PACRG: variants seen among roughly 807,000 people sequenced by gnomAD.
PACRG encodes the protein parkin coregulated.
PACRG carries 29 observed loss-of-function variants against 29.7 expected under a neutral mutation model. The observed-to-expected ratio is 0.98, with a 90% CI of 0.73 to 1.33. PACRG has a LOEUF of 1.33. Ranked by LOEUF, PACRG falls within the 40% of genes most tolerant of loss-of-function variation. PACRG has a pLI of 0.00. For synonymous variants in PACRG, 116 were observed against 118.7 expected (o/e 0.98, Z 0.15); for missense variants, 279 against 316.2 (o/e 0.88, Z 0.89).
intron 1 of PACRG, among the ~76,000 whole-genome samples, chr6:162,731,574 T>C (rs959758744): frequency 1.3e-5 from 2 of 151,946 alleles, no homozygotes; most frequent in Non-Finnish European, 2.9e-5. Context: ...TCTGAAGATT[T>C]TGGTATCTGC....
intron 4 of PACRG, among the ~76,000 whole-genome samples, chr6:163,208,006 A>C (rs1036220035): frequency 6.6e-6 from 1 of 152,200 alleles, no homozygotes; most frequent in Non-Finnish European, 1.5e-5. Flanking sequence ...GAGCATATGG[A>C]AGTGGCCTGT....
intron 4 of PACRG, among the ~76,000 whole-genome samples, chr6:163,300,386 A>C (rs1784943566): frequency 6.6e-6 from 1 of 152,220 alleles, no homozygotes; most frequent in African/African-American, 2.4e-5. Context: ...TTGGGCTCAG[A>C]GGCCAACGTA....
intron 4 of PACRG, among the ~76,000 whole-genome samples, chr6:163,155,773 A>G (rs768734939): frequency 6.6e-6 from 1 of 152,018 alleles, no homozygotes; most frequent in Non-Finnish European, 1.5e-5. Flanking sequence ...TCCTGTCCCA[A>G]CCCCACTCCG....
chr6:162,957,150 G>C (rs1185097963), intron 2 of PACRG: 2 of 213,274 alleles, frequency 9.4e-6, no homozygotes, highest in African/African-American at 4.6e-5. Context: ...AAATGAATTT[G>C]GGCTTAGCCT....
At chr6:163,215,257 T>C (rs1465614822) in intron 4 of PACRG, among the ~76,000 whole-genome samples, 2 of 152,228 alleles carry the variant, frequency 1.3e-5, no homozygotes, top group Non-Finnish European at 2.9e-5. Context: ...TTAAAAGAAT[T>C]TTGGAGGATT....
At chr6:162,985,135 A>G (rs1330218021) in intron 2 of PACRG, among the ~76,000 whole-genome samples, 2 of 152,106 alleles carry the variant, frequency 1.3e-5, no homozygotes, top group Non-Finnish European at 2.9e-5. Context: ...TACAAAGAAG[A>G]ATTGGTACCA....
chr6:163,312,524 CCACCGGG>C (rs144601101), intron 4 of PACRG, among the ~76,000 whole-genome samples: 33,567 of 151,878 alleles, frequency 0.22, 4,229 homozygotes, highest in East Asian at 0.52. Flanking sequence ...ACAAGCGGAG[CCACCGGG>C]CTTCATCTCC....
intron 2 of PACRG, among the ~76,000 whole-genome samples, chr6:162,909,837 G>A (rs1449295794): frequency 1.3e-5 from 2 of 152,196 alleles, no homozygotes; most frequent in Non-Finnish European, 2.9e-5. Context: ...GGCACATGAT[G>A]GGGATTGAAT....
intron 2 of PACRG, among the ~76,000 whole-genome samples, chr6:162,910,000 T>C (rs1381441801): frequency 6.6e-6 from 1 of 152,226 alleles, no homozygotes; most frequent in Non-Finnish European, 1.5e-5. Flanking sequence ...CAGTGTAAGC[T>C]TTAGAGCTAG....
intron 2 of PACRG, among the ~76,000 whole-genome samples, chr6:162,995,511 C>A (rs1269553621): frequency 2.0e-5 from 3 of 152,168 alleles, no homozygotes; most frequent in Non-Finnish European, 4.4e-5. Context: ...TTTCCAGGTG[C>A]GTCCGTCACC....
chr6:162,744,386 C>A (rs140044630), intron 1 of PACRG, among the ~76,000 whole-genome samples: 271 of 152,078 alleles, frequency 1.8e-3, no homozygotes, highest in African/African-American at 6.3e-3. Flanking sequence ...TTGCTTGAGG[C>A]TACAGTTCAA....
In PACRG at chr6:163,016,001, T is replaced by C. The variant is rs1026753590; in HGVS notation, c.292-46149T>C. Among the ~76,000 whole-genome samples, 7 of 152,318 alleles carry C rather than the reference T, an allele frequency of 4.6e-5. No individual in the cohort carries two copies. The South Asian group carries it at 1.5e-3, about 32-fold the overall frequency. On this transcript the variant is annotated intron_variant, in intron 2 of 4. Coordinates refer to ENST00000366888, the MANE Select transcript of PACRG (RefSeq NM_001080379.2). ...TGACCTGTGTAATACCTTGTGTTTA[T>C]TTTCTTTTTCTCTGAATTTCTGTCT... is the stretch of plus-strand genomic sequence containing the variant.
chr6:163,273,531 GC>G (rs1441826972), intron 4 of PACRG, among the ~76,000 whole-genome samples: 1 of 151,964 alleles, frequency 6.6e-6, no homozygotes, highest in Non-Finnish European at 1.5e-5. Flanking sequence ...TAGATTTTCT[GC>G]CTCTTCAAGG....
chr6:162,848,827 T>C (rs1488689439), intron 2 of PACRG, among the ~76,000 whole-genome samples: 1 of 152,272 alleles, frequency 6.6e-6, no homozygotes, highest in East Asian at 1.9e-4. Flanking sequence ...AGATACTTCA[T>C]ACAAAATTGT....
chr6:163,120,855 A>G (rs921978596), intron 4 of PACRG, among the ~76,000 whole-genome samples: 3 of 152,160 alleles, frequency 2.0e-5, no homozygotes, highest in African/African-American at 7.2e-5. Context: ...AGGCCCTCCC[A>G]TGCCTGGCCT....
intron 4 of PACRG, among the ~76,000 whole-genome samples, chr6:163,110,068 T>C (rs931900782): frequency 6.6e-6 from 1 of 152,028 alleles, no homozygotes; most frequent in African/African-American, 2.4e-5. Context: ...TGTACAAAGA[T>C]ACATTTATGG....
At chr6:163,221,553 C>T (rs910036458) in intron 4 of PACRG, among the ~76,000 whole-genome samples, 4 of 152,244 alleles carry the variant, frequency 2.6e-5, no homozygotes, top group Admixed American at 6.5e-5. Flanking sequence ...AGCTGGAATC[C>T]TAGGCTTCCG....
At chr6:162,771,127 A>G (rs1490603089) in intron 1 of PACRG, among the ~76,000 whole-genome samples, 1 of 152,192 alleles carries the variant, frequency 6.6e-6, no homozygotes, top group Non-Finnish European at 1.5e-5. Context: ...CTTACTTATG[A>G]TGAAATAACC....
At chr6:163,297,790 T>G (rs1784833592) in intron 4 of PACRG, among the ~76,000 whole-genome samples, 1 of 152,174 alleles carries the variant, frequency 6.6e-6, no homozygotes, top group Admixed American at 6.5e-5. Context: ...TTGCCTCTGA[T>G]TAGCGACCCC....
Sources: gnomAD v4.1 joint callset for allele counts (sites outside exome capture counted in the v4.1 genomes callset) on GRCh38, gnomAD v4.1.1 for gene constraint, MANE v1.5 for transcripts, NCBI Gene and HGNC (gene_info 2026-07-23, HGNC 2026-07-21) for gene names.